Variants in NKAIN2 observed in about 807,000 individuals in gnomAD.
NKAIN2 encodes sodium/potassium-transporting ATPase subunit beta-1-interacting protein 2.
A neutral mutation model predicts 32.6 loss-of-function variants in NKAIN2; 14 were observed. That is an observed-to-expected ratio of 0.43 (90% confidence interval 0.28 to 0.67). The LOEUF (loss-of-function observed/expected upper bound fraction) is 0.67, where lower values mean the gene tolerates loss of function less well. NKAIN2 is among the 30% of genes least tolerant of loss of function. NKAIN2 has a pLI of 0.17. For synonymous variants in NKAIN2, 80 were observed against 87.2 expected (o/e 0.92, Z 0.46); for missense variants, 198 against 258.3 (o/e 0.77, Z 1.60).
rs138808901 is a variant in NKAIN2 at position 124,350,131 on chromosome 6, T to C, written c.193-5136T>C. Among the ~76,000 whole-genome samples, 522 of 152,318 alleles carry C rather than the reference T, an allele frequency of 3.4e-3. 4 individuals are homozygous for C. The highest frequency in any genetic ancestry group is 0.012 in the African/African-American group (514 of 41,572). On this transcript the variant is annotated intron_variant, in intron 2 of 6. Coordinates refer to ENST00000368417, the MANE Select transcript of NKAIN2 (RefSeq NM_001040214.3). ...ATCTAGCAATTGTGATACTTTATTA[T>C]ATTAGGTCATCTCTCCAGGGCAGAA...
At chr6:124,393,803 A>C (rs760165618) in intron 3 of NKAIN2, among the ~76,000 whole-genome samples, 2 of 152,184 alleles carry the variant, frequency 1.3e-5, no homozygotes, top group Admixed American at 6.5e-5. Flanking sequence ...ACCATGTTTT[A>C]TGTGCATGCG....
intron 3 of NKAIN2, among the ~76,000 whole-genome samples, chr6:124,540,754 C>G (rs142004302): frequency 5.9e-5 from 9 of 152,260 alleles, no homozygotes; most frequent in African/African-American, 2.2e-4. Context: ...TACAATTATT[C>G]GGTTTTTCAC....
chr6:124,661,902 T>C (rs376015704), intron 4 of NKAIN2, among the ~76,000 whole-genome samples: 18 of 126,062 alleles, frequency 1.4e-4, no homozygotes, highest in Non-Finnish European at 2.9e-4. Context: ...ATCCTTTCAA[T>C]GTGTGATTGG....
intron 2 of NKAIN2, chr6:124,283,355 A>G: frequency 2.8e-6 from 1 of 355,746 alleles, no homozygotes; most frequent in Non-Finnish European, 5.1e-6. Flanking sequence ...GATCAGACTG[A>G]ATTCTCATAA....
chr6:124,803,696 T>A (rs1780372283), intron 5 of NKAIN2, among the ~76,000 whole-genome samples: 1 of 152,310 alleles, frequency 6.6e-6, no homozygotes, highest in Non-Finnish European at 1.5e-5. Flanking sequence ...CTTCCGTGGA[T>A]GTCTTCTACA....
chr6:123,805,928 T>C (rs1773196527), intron 1 of NKAIN2, among the ~76,000 whole-genome samples: 2 of 152,162 alleles, frequency 1.3e-5, no homozygotes, highest in African/African-American at 4.8e-5. Flanking sequence ...GGCTTTCTTA[T>C]GGCAAATGTA....
intron 4 of NKAIN2, among the ~76,000 whole-genome samples, chr6:124,660,469 A>G (rs1194828405): frequency 6.6e-6 from 1 of 152,244 alleles, no homozygotes; most frequent in East Asian, 1.9e-4. Flanking sequence ...ATTTTCCTTA[A>G]GTAGAAACCA....
chr6:124,790,147 T>A (rs1472497318), intron 4 of NKAIN2, among the ~76,000 whole-genome samples: 5 of 152,118 alleles, frequency 3.3e-5, no homozygotes, highest in African/African-American at 1.2e-4. Context: ...CAGAACGTGC[T>A]TTCTCTCTCA....
At chr6:124,757,828 C>A (rs551723307) in intron 4 of NKAIN2, among the ~76,000 whole-genome samples, 3 of 152,232 alleles carry the variant, frequency 2.0e-5, no homozygotes, top group African/African-American at 7.2e-5. Context: ...TAGTCTTAAA[C>A]AGAATGGGCT....
At chr6:124,013,528 T>C (rs1017451876) in intron 1 of NKAIN2, among the ~76,000 whole-genome samples, 2 of 152,218 alleles carry the variant, frequency 1.3e-5, no homozygotes, top group African/African-American at 2.4e-5. Context: ...GAGTTTTCTT[T>C]GCAAGTTTCA....
rs1403257937 is a variant in NKAIN2, at chr6:124,290,034, GC to G, written c.192+6894del. Among the ~76,000 whole-genome samples the G allele has an allele frequency of 2.0e-4, 30 of 147,562 alleles. No individual in the cohort carries two copies. In the South Asian group the frequency reaches 5.9e-3, roughly 29 times the overall value. On this transcript the variant is annotated intron_variant, in intron 2 of 6. Coordinates refer to ENST00000368417, the MANE Select transcript of NKAIN2 (RefSeq NM_001040214.3). ...TGTGAAAATAAGTCTTTTCCCATAA[GC>G]CTGGAAGGGAGGGAGAAAACAAAAA...
At chr6:123,991,786 C>T (rs1466582180) in intron 1 of NKAIN2, among the ~76,000 whole-genome samples, 1 of 152,042 alleles carries the variant, frequency 6.6e-6, no homozygotes, top group African/African-American at 2.4e-5. Context: ...GGTGTGAACC[C>T]AGGAGGCGGA....
At chr6:124,343,118 G>T (rs1025809245) in intron 2 of NKAIN2, among the ~76,000 whole-genome samples, 5 of 151,866 alleles carry the variant, frequency 3.3e-5, no homozygotes, top group Admixed American at 3.3e-4. Flanking sequence ...TACTGAGAAT[G>T]ATGGTTTCCA....
chr6:123,812,052 C>T (rs1773499131), intron 1 of NKAIN2, among the ~76,000 whole-genome samples: 2 of 152,084 alleles, frequency 1.3e-5, no homozygotes, highest in South Asian at 2.1e-4. Flanking sequence ...CCCCCACCGC[C>T]CCCACCCTCA....
chr6:124,112,041 T>TC (rs1323103313), intron 1 of NKAIN2, among the ~76,000 whole-genome samples: 4 of 152,276 alleles, frequency 2.6e-5, no homozygotes, highest in Non-Finnish European at 5.9e-5. Context: ...TTTATAGTTT[T>TC]CAAAATAATT....
rs142942108 is a variant in NKAIN2, at chr6:124,718,015, A to G, written c.474+59629A>G. Among the ~76,000 whole-genome samples, 985 of 152,306 alleles carry G rather than the reference A, an allele frequency of 6.5e-3. 9 individuals are homozygous for G. Among genetic ancestry groups the G allele is most frequent in the African/African-American group, 0.022 (910 of 41,578 alleles). ...TAACAGAACAAAATGAAGAAAAAGC[A>G]TGAGGTCACTGTGATGTAACAACAG... On this transcript the variant is annotated intron_variant, in intron 4 of 6. Coordinates refer to ENST00000368417, the MANE Select transcript of NKAIN2 (RefSeq NM_001040214.3).
At chr6:124,710,320 G>A (rs569093174) in intron 4 of NKAIN2, among the ~76,000 whole-genome samples, 2 of 152,072 alleles carry the variant, frequency 1.3e-5, no homozygotes, top group African/African-American at 4.8e-5. Context: ...ATTTGGGGTG[G>A]AGAGTTCTGT....
chr6:124,501,098 A>G (rs1778273472), intron 3 of NKAIN2, among the ~76,000 whole-genome samples: 1 of 152,216 alleles, frequency 6.6e-6, no homozygotes, highest in Admixed American at 6.5e-5. Context: ...CTTTGGAAAG[A>G]GTATGACCAT....
At chr6:124,570,199 A>T (rs879355451) in intron 3 of NKAIN2, among the ~76,000 whole-genome samples, 14 of 152,206 alleles carry the variant, frequency 9.2e-5, no homozygotes, top group Non-Finnish European at 1.3e-4. Flanking sequence ...TGTTAAAAGT[A>T]TTCCATTTTA....
Sources: allele counts gnomAD v4.1 joint callset (sites outside exome capture counted in the v4.1 genomes callset), GRCh38; gene constraint gnomAD v4.1.1; transcripts MANE v1.5; gene names NCBI Gene and HGNC (gene_info 2026-07-23, HGNC 2026-07-21).